The following KCNK10 variants were observed in gnomAD, a reference collection of about 807,000 sequenced individuals.
KCNK10 encodes the protein potassium two pore domain channel subfamily K member 10.
A neutral mutation model predicts 47.7 loss-of-function variants in KCNK10; 25 were observed. That is an observed-to-expected ratio of 0.52 (90% CI 0.38 to 0.73). KCNK10 has a LOEUF of 0.73. KCNK10 is among the 30% of genes least tolerant of loss of function. The pLI, the probability that KCNK10 is intolerant of heterozygous loss-of-function variation, is 0.00. For synonymous variants in KCNK10, 303 were observed against 285.6 expected, an observed-to-expected ratio of 1.06 and a Z score of -0.61; for missense variants, 563 against 714.5, an observed-to-expected ratio of 0.79 and a Z score of 2.42.
chr14:88,227,501 G>C lies in KCNK10; in HGVS notation c.555C>G (p.Gly185=). ...TGGCATATAAAATACAAAAGATTTT[G>C]CCTCCTTCAGTGCTCGGAGCAATAT... ...YGNIAPSTEG[G]KIFCILYAIF... The change falls in exon 4 of 7, where the codon GGC becomes GGG. Residue 185 remains glycine, a synonymous_variant. Coordinates refer to ENST00000319231, the MANE Select transcript of KCNK10 (RefSeq NM_138317.3). 6.2e-7 allele frequency: 1 copy of C among 1,612,368 alleles called. No homozygotes were observed. The highest frequency in any genetic ancestry group is 8.5e-7 in the Non-Finnish European group (1 of 1,179,412).
At chr14:88,229,156 T>C (rs1362938641) in intron 3 of KCNK10, among the ~76,000 whole-genome samples, 1 of 152,114 alleles carries the variant, frequency 6.6e-6, no homozygotes, top group Non-Finnish European at 1.5e-5. Flanking sequence ...CAGAAAGAAA[T>C]ATATTGCAGA....
At position 88,260,760 on chromosome 14, in the gene KCNK10, T is replaced by G. The variant is rs535703679; in HGVS notation, c.402+2442A>C. Among the ~76,000 whole-genome samples, 3 of 152,348 alleles carry G rather than the reference T, an allele frequency of 2.0e-5. No individual in the cohort carries two copies. Among genetic ancestry groups the G allele is most frequent in the African/African-American group, 7.2e-5 (3 of 41,588 alleles). On this transcript the variant is annotated intron_variant, in intron 2 of 6. Coordinates refer to ENST00000319231, the MANE Select transcript of KCNK10 (RefSeq NM_138317.3). This position sits in a 1 kb window ranked among gnomAD's most constrained non-coding sequence, Gnocchi z 4.5. ...TGATGCCCAGCTCATAACAGATGCCTAATAAAGAGCAGCTTTTTAAATTGT... is the reference window on the plus strand; with the variant it reads ...TGATGCCCAGCTCATAACAGATGCCGAATAAAGAGCAGCTTTTTAAATTGT...
At position 88,323,078 on chromosome 14, in the gene KCNK10, T is replaced by C; in HGVS notation, c.-280A>G. 1 of 1,260,760 alleles carries C rather than the reference T, an allele frequency of 7.9e-7. No individual in the cohort carries two copies. The highest frequency in any genetic ancestry group is 1.0e-6 in the Non-Finnish European group (1 of 993,944). The allele number at this position is 1,260,760 out of a possible 1,614,324, so 78.1% of individuals were successfully genotyped here. A position where few individuals can be genotyped will look rare whatever the true frequency, so the allele number is the denominator to read the frequency against. ...GATCGGCGAGGGGTGGATGAAAGGA[T>C]GGAGAGGAAGGCTTGGGGAGATGGA... On this transcript the variant is annotated 5_prime_UTR_variant, in exon 1 of 7. Coordinates refer to ENST00000319231, the MANE Select transcript of KCNK10 (RefSeq NM_138317.3).
upstream of KCNK10, among the ~76,000 whole-genome samples, chr14:88,325,842 C>G (rs186418802): frequency 3.9e-5 from 6 of 152,234 alleles, no homozygotes; most frequent in Admixed American, 3.3e-4. Flanking sequence ...TTGAGCATCA[C>G]TTGTGTACAA....
rs574286290 is a variant in KCNK10, at chr14:88,188,385, G to T, written c.869-276C>A. ...CCAGTGGCCAACTTGACCTACTAAT[G>T]CTTGACCTGAGCGTTAAGGATGAAT... On this transcript the variant is annotated intron_variant, in intron 5 of 6. Coordinates refer to ENST00000319231, the MANE Select transcript of KCNK10 (RefSeq NM_138317.3). Among the ~76,000 whole-genome samples the T allele has an allele frequency of 2.6e-5, 4 of 152,276 alleles. No homozygotes were observed. The South Asian group carries it at 8.3e-4, about 32-fold the overall frequency.
At chr14:88,264,940 C>T (rs1887213609) in intron 1 of KCNK10, among the ~76,000 whole-genome samples, 1 of 152,270 alleles carries the variant, frequency 6.6e-6, no homozygotes, top group South Asian at 2.1e-4. Flanking sequence ...GCCCACATCT[C>T]CCATTCATTC....
At chr14:88,317,860 A>G (rs1888461193) in intron 1 of KCNK10, among the ~76,000 whole-genome samples, 1 of 151,276 alleles carries the variant, frequency 6.6e-6, no homozygotes, top group African/African-American at 2.4e-5. Context: ...CTAAAAGTGT[A>G]GCATTTAAAA....
intron 1 of KCNK10, among the ~76,000 whole-genome samples, chr14:88,274,932 C>CTTTGATG (rs1255446986): frequency 6.6e-6 from 1 of 152,042 alleles, no homozygotes; most frequent in African/African-American, 2.4e-5. Context: ...TAGCTTTGTT[C>CTTTGATG]TCTCTTCTGC....
In KCNK10 at chr14:88,185,381, G is replaced by A; in HGVS notation, c.*154C>T. ...TCTCTGATTCCTTTTGGCAGAGCAA[G>A]CTTTCAGTTGTTTATGGCACAGTGA... is the stretch of plus-strand genomic sequence containing the variant. On this transcript the variant is annotated 3_prime_UTR_variant, in exon 7 of 7. Coordinates refer to ENST00000319231, the MANE Select transcript of KCNK10 (RefSeq NM_138317.3). The surrounding 1 kb of genome is among the most constrained non-coding windows in gnomAD (Gnocchi z 4.3). 1 of 1,107,114 alleles carries A rather than the reference G, an allele frequency of 9.0e-7. No homozygotes were observed. The highest frequency in any genetic ancestry group is 1.3e-6 in the Non-Finnish European group (1 of 798,006). 68.6% of individuals were successfully genotyped at this position (1,107,114 alleles called of 1,614,324 possible). A position where few individuals can be genotyped will look rare whatever the true frequency, so the allele number is the denominator to read the frequency against.
chr14:88,198,926 T>C (rs77972320), intron 4 of KCNK10, among the ~76,000 whole-genome samples: 11 of 150,896 alleles, frequency 7.3e-5, no homozygotes, highest in African/African-American at 2.7e-4. Flanking sequence ...TTTTATTTTA[T>C]TTTATTTTTT....
At chr14:88,273,664 A>G (rs1887460794) in intron 1 of KCNK10, among the ~76,000 whole-genome samples, 1 of 152,162 alleles carries the variant, frequency 6.6e-6, no homozygotes, top group Non-Finnish European at 1.5e-5. Flanking sequence ...TGATTCTCCC[A>G]ATAGACTCTG....
chr14:88,301,641 T>C (rs559554911), intron 1 of KCNK10, among the ~76,000 whole-genome samples: 35 of 81,052 alleles, frequency 4.3e-4, no homozygotes, highest in South Asian at 1.7e-3. Flanking sequence ...GGGCAGAAGA[T>C]AATCCTAGGA....
chr14:88,301,352 T>G (rs1321780317), intron 1 of KCNK10, among the ~76,000 whole-genome samples: 3 of 152,194 alleles, frequency 2.0e-5, no homozygotes, highest in African/African-American at 7.2e-5. Context: ...TTCTTAAAAC[T>G]CTCTCCTCCC....
At chr14:88,192,560 T>G in intron 4 of KCNK10, 150 bp from the exon 5 acceptor site, 1 of 668,746 alleles carries the variant, frequency 1.5e-6, no homozygotes. Flanking sequence ...CGCTGTGAAC[T>G]CTTTCCTAGA....
intron 4 of KCNK10, among the ~76,000 whole-genome samples, chr14:88,199,971 C>CTCTT (rs540633486): frequency 7.2e-5 from 11 of 151,936 alleles, no homozygotes; most frequent in African/African-American, 2.4e-4. Flanking sequence ...TTCTTTCTTT[C>CTCTT]TCTTTCTTTC....
At chr14:88,301,065 T>C (rs1419542502) in intron 1 of KCNK10, among the ~76,000 whole-genome samples, 2 of 152,194 alleles carry the variant, frequency 1.3e-5, no homozygotes, top group Admixed American at 6.5e-5. Flanking sequence ...ATAGCAAACA[T>C]TAATCGAAAG....
chr14:88,199,390 G>A (rs1885028395), intron 4 of KCNK10, among the ~76,000 whole-genome samples: 1 of 152,138 alleles, frequency 6.6e-6, no homozygotes, highest in East Asian at 1.9e-4. Context: ...AGAAAAGTAG[G>A]GTGAGATTAC....
At chr14:88,202,759 G>T (rs1230608098) in intron 4 of KCNK10, among the ~76,000 whole-genome samples, 1 of 152,000 alleles carries the variant, frequency 6.6e-6, no homozygotes, top group Non-Finnish European at 1.5e-5. Flanking sequence ...TACAGTGGGA[G>T]GGACGAGATC....
intron 4 of KCNK10, among the ~76,000 whole-genome samples, chr14:88,203,510 C>T (rs1193860948): frequency 2.0e-5 from 3 of 152,194 alleles, no homozygotes; most frequent in Non-Finnish European, 2.9e-5. Flanking sequence ...TTCTGGGCTC[C>T]AAGAACAGCC....
Sources: gnomAD v4.1 joint callset for allele counts (sites outside exome capture counted in the v4.1 genomes callset) on GRCh38, gnomAD v4.1.1 for gene constraint, Gnocchi (gnomAD v3.1) non-coding constraint, MANE v1.5 for transcripts, NCBI Gene and HGNC (gene_info 2026-07-23, HGNC 2026-07-21) for gene names.